SMYD3: variants seen among roughly 807,000 people sequenced by gnomAD.
SMYD3 encodes the protein SET and MYND domain containing 3, also known as histone-lysine N-methyltransferase SMYD3.
In SMYD3, 36 loss-of-function variants were observed where a neutral mutation model predicts 57.7. That is an observed-to-expected ratio of 0.62 (90% CI 0.48 to 0.82). The LOEUF is 0.82. Ranked by LOEUF, SMYD3 falls within the 40% of genes least tolerant of loss-of-function variation. The pLI is 0.00. For missense variants in SMYD3, 515 were observed against 538.8 expected, an observed-to-expected ratio of 0.96 and a Z score of 0.44; for synonymous variants, 211 against 195.0, an observed-to-expected ratio of 1.08 and a Z score of -0.68.
chr1:245,835,122 C>CTTTTTT (rs11449373), intron 10 of SMYD3, among the ~76,000 whole-genome samples: 2 of 134,062 alleles, frequency 1.5e-5, no homozygotes, highest in Non-Finnish European at 3.1e-5. Flanking sequence ...GGCAGGTTTC[C>CTTTTTT]TTTTTTTTTT....
At chr1:245,867,147 A>G (rs969164332) in intron 8 of SMYD3, among the ~76,000 whole-genome samples, 1 of 152,220 alleles carries the variant, frequency 6.6e-6, no homozygotes, top group African/African-American at 2.4e-5. Context: ...TGGGTCCAAT[A>G]TAATTACAAG....
At chr1:245,939,134 C>T (rs2057113382) in intron 5 of SMYD3, among the ~76,000 whole-genome samples, 1 of 149,668 alleles carries the variant, frequency 6.7e-6, no homozygotes, top group Admixed American at 6.7e-5. Context: ...CAGAGCGAGA[C>T]TCCATCTCAA....
rs113189186 is a variant in SMYD3, at chr1:246,162,286, G to A, written c.531+164915C>T. On this transcript the variant is annotated intron_variant, in intron 5 of 11. Transcript: ENST00000490107. ...ATTCTAGAACTAGGTTAAGCTAACA[G>A]GAATAAGCATATGTGGAGGGTGTTT... 1.6e-3 allele frequency among the ~76,000 whole-genome samples: 243 copies of A among 152,224 alleles called. 1 individual carries two copies. Among genetic ancestry groups the A allele is most frequent in the African/African-American group, 5.4e-3 (225 of 41,538 alleles).
intron 10 of SMYD3, among the ~76,000 whole-genome samples, chr1:245,793,078 A>G (rs2047351167): frequency 2.0e-5 from 1 of 49,486 alleles, no homozygotes; most frequent in Non-Finnish European, 4.3e-5. Context: ...TGGGAGGCCG[A>G]GGCGGGTGAT....
chr1:246,247,869 C>G (rs1269673867), intron 5 of SMYD3, among the ~76,000 whole-genome samples: 2 of 152,088 alleles, frequency 1.3e-5, no homozygotes, highest in Non-Finnish European at 2.9e-5. Flanking sequence ...GCAAGAGAAC[C>G]TGGATAAGTA....
intron 2 of SMYD3, among the ~76,000 whole-genome samples, chr1:246,353,169 T>C (rs2065859155): frequency 6.6e-6 from 1 of 152,198 alleles, no homozygotes; most frequent in African/African-American, 2.4e-5. Flanking sequence ...GACAAAACTT[T>C]TGTTTAAAAA....
At chr1:245,808,056 T>G (rs975334902) in intron 10 of SMYD3, among the ~76,000 whole-genome samples, 2 of 152,284 alleles carry the variant, frequency 1.3e-5, no homozygotes, top group Middle Eastern at 6.8e-3. Flanking sequence ...CGATTCAAAT[T>G]CTTCCAGATC....
intron 10 of SMYD3, among the ~76,000 whole-genome samples, chr1:245,793,712 T>C (rs1422244393): frequency 2.0e-5 from 3 of 151,958 alleles, no homozygotes; most frequent in African/African-American, 4.8e-5. Context: ...CTCCCATCCA[T>C]ATAGCTATTT....
At chr1:246,111,655 T>C (rs897156438) in intron 5 of SMYD3, 1 of 152,246 alleles carries the variant, frequency 6.6e-6, no homozygotes, top group African/African-American at 2.4e-5. Flanking sequence ...TACAAGGGCA[T>C]GCCAAAGTCC....
chr1:245,778,234 A>G (rs772241642), intron 10 of SMYD3, among the ~76,000 whole-genome samples: 1 of 152,222 alleles, frequency 6.6e-6, no homozygotes, highest in Non-Finnish European at 1.5e-5. Flanking sequence ...AAAAAATAAT[A>G]AAATTGGAGG....
chr1:246,347,763 T>C (rs1441245786), intron 2 of SMYD3, among the ~76,000 whole-genome samples: 1 of 152,104 alleles, frequency 6.6e-6, no homozygotes, highest in Non-Finnish European at 1.5e-5. Context: ...GCCATCTTAA[T>C]ATAGAACTTC....
At chr1:245,964,797 A>AT (rs200176932) in intron 5 of SMYD3, among the ~76,000 whole-genome samples, 1 of 103,538 alleles carries the variant, frequency 9.7e-6, no homozygotes, top group African/African-American at 4.2e-5. Flanking sequence ...CAAAGATTGT[A>AT]AAAAAAAAAA....
intron 5 of SMYD3, among the ~76,000 whole-genome samples, chr1:246,010,349 A>C (rs1187425987): frequency 6.6e-6 from 1 of 152,088 alleles, no homozygotes; most frequent in Non-Finnish European, 1.5e-5. Flanking sequence ...ACCAGACCTC[A>C]CACCAGAGAT....
intron 1 of SMYD3, among the ~76,000 whole-genome samples, chr1:246,477,799 T>G (rs1010094395): frequency 6.6e-6 from 1 of 152,230 alleles, no homozygotes; most frequent in African/African-American, 2.4e-5. Flanking sequence ...GTGGAGTTAC[T>G]GACTGCTTAA....
chr1:246,154,049 T>C (rs1182767732), intron 5 of SMYD3, among the ~76,000 whole-genome samples: 1 of 152,196 alleles, frequency 6.6e-6, no homozygotes, highest in African/African-American at 2.4e-5. Flanking sequence ...TCACTCCCTC[T>C]TCTACATTAC....
chr1:245,878,832 G>A (rs1473499599), intron 8 of SMYD3, among the ~76,000 whole-genome samples: 2 of 152,200 alleles, frequency 1.3e-5, no homozygotes, highest in South Asian at 2.1e-4. Flanking sequence ...GAGGGACAAC[G>A]CAGGGATGGC....
chr1:245,761,455 G>A lies in SMYD3; in HGVS notation c.1185+2586C>T, dbSNP rs188886170. On this transcript the variant is annotated intron_variant, in intron 11 of 11. Transcript: ENST00000490107. ...CCACATTATCCTGAAAATCCATAGC[G>A]AGATGTCTGTCTGGGTTTGTTCAGG... Among the ~76,000 whole-genome samples the A allele has an allele frequency of 5.5e-4, 84 of 152,280 alleles. 2 individuals are homozygous for A. The East Asian group carries it at 0.01, about 19-fold the overall frequency.
At chr1:246,138,269 TTA>T (rs1347171401) in intron 5 of SMYD3, among the ~76,000 whole-genome samples, 1 of 152,096 alleles carries the variant, frequency 6.6e-6, no homozygotes, top group Non-Finnish European at 1.5e-5. Flanking sequence ...CGCTCACTAC[TTA>T]TGAAAGATAT....
intron 5 of SMYD3, among the ~76,000 whole-genome samples, chr1:246,010,203 T>C (rs1381690153): frequency 6.6e-6 from 1 of 151,980 alleles, no homozygotes; most frequent in African/African-American, 2.4e-5. Context: ...TTACTTCTTC[T>C]AGTTCTCTGT....
Sources: allele counts gnomAD v4.1 joint callset (sites outside exome capture counted in the v4.1 genomes callset), GRCh38; gene constraint gnomAD v4.1.1; transcripts MANE v1.5; gene names NCBI Gene and HGNC (gene_info 2026-07-23, HGNC 2026-07-21).